ALDH3A2: variants seen among roughly 807,000 people sequenced by gnomAD.
The protein encoded by ALDH3A2 is aldehyde dehydrogenase 3 family member A2, also known as aldehyde dehydrogenase family 3 member A2.
Under a neutral mutation model 51.3 loss-of-function variants are expected in ALDH3A2, and 36 were observed. The observed-to-expected ratio is 0.70, with a 90% CI of 0.54 to 0.93. The LOEUF (loss-of-function observed/expected upper bound fraction) is 0.93. ALDH3A2 is among the 40% of genes least tolerant of loss of function. The pLI is 0.00. For synonymous variants in ALDH3A2, 199 were observed against 219.8 expected (o/e 0.91, Z 0.84); for missense variants, 552 against 603.1 (o/e 0.92, Z 0.89).
At chr17:19,652,716 C>G in intron 3 of ALDH3A2, 84 bp downstream of exon 3, 1 of 1,206,404 alleles carries the variant, frequency 8.3e-7, no homozygotes, top group Non-Finnish European at 1.2e-6. Flanking sequence ...CATGTTATTG[C>G]TGGCCGGGGA....
At chr17:19,660,697 AGGCTTTGCAGAT>A (rs1474310994) in intron 5 of ALDH3A2, among the ~76,000 whole-genome samples, 3 of 152,230 alleles carry the variant, frequency 2.0e-5, no homozygotes, top group African/African-American at 7.2e-5. Flanking sequence ...TAAATATTTC[AGGCTTTGCAGAT>A]GTTAGGGTCT....
intron 1 of ALDH3A2, among the ~76,000 whole-genome samples, chr17:19,650,295 T>C (rs1282857517): frequency 6.6e-6 from 1 of 151,850 alleles, no homozygotes; most frequent in Non-Finnish European, 1.5e-5. Context: ...TTTTTTTTTT[T>C]TAAACGGACA....
chr17:19,672,403 A>C, intron 9 of ALDH3A2: 1 of 196,674 alleles, frequency 5.1e-6, no homozygotes, highest in East Asian at 1.2e-4. Context: ...CACAGAGGTG[A>C]AGGCAAGAAC....
chr17:19,651,463 T>G, intron 1 of ALDH3A2, 84 bp from the exon 2 acceptor site: 1 of 1,133,244 alleles, frequency 8.8e-7, no homozygotes, highest in Non-Finnish European at 1.3e-6. Flanking sequence ...TCACTACAGG[T>G]GTACCTGGTG....
At chr17:19,668,366 A>G (rs980258601) in intron 8 of ALDH3A2, among the ~76,000 whole-genome samples, 22 of 151,670 alleles carry the variant, frequency 1.5e-4, no homozygotes, top group Non-Finnish European at 1.0e-4. Context: ...TCCTGCCCCA[A>G]CCTCCCAAGT....
chr17:19,676,691 A>T lies in ALDH3A2; in HGVS notation c.*1119A>T, dbSNP rs1028682231. On this transcript the variant is annotated 3_prime_UTR_variant, in exon 10 of 10. Transcript: ENST00000176643. The stretch of plus-strand genomic sequence containing the variant: ...AAATACTGTAATAAAAGTACTTATA[A>T]ACATACTAATCCTCTTTCAGGACCC... 2 of 152,170 alleles carry T rather than the reference A, an allele frequency of 1.3e-5. No homozygotes were observed. The highest frequency in any genetic ancestry group is 2.9e-5 in the Non-Finnish European group (2 of 68,026). The allele number at this position is 152,170 out of a possible 1,614,324, so 9.4% of individuals were successfully genotyped here.
At chr17:19,650,700 G>A (rs1255040318) in intron 1 of ALDH3A2, among the ~76,000 whole-genome samples, 2 of 152,014 alleles carry the variant, frequency 1.3e-5, no homozygotes, top group Non-Finnish European at 2.9e-5. Context: ...TGATCCGCCC[G>A]CCTCAGCCTC....
chr17:19,648,647 T>A (rs1267490189), upstream of ALDH3A2: 3 of 421,084 alleles, frequency 7.1e-6, no homozygotes, highest in Non-Finnish European at 1.3e-5. Context: ...CCCAGCCCGC[T>A]GCCAGAGCCG....
rs1291874937 is a variant in ALDH3A2, at chr17:19,656,382, T to C, written c.488T>C (p.Ile163Thr). 1 of 1,613,994 alleles carries C rather than the reference T, an allele frequency of 6.2e-7. No homozygotes were observed. Among genetic ancestry groups the C allele is most frequent in the East Asian group, 2.2e-5 (1 of 44,884 alleles). The part of the protein sequence containing the change: ...QYLDQDLYIV[I>T]NGGVEETTEL... ...TTCTTTGAGGATCTCTATATTGTTA[T>C]TAATGGTGGTGTTGAGGAAACCACG... Residue 163 changes from isoleucine to threonine, a missense_variant, in exon 4 of 10, where the codon ATT becomes ACT. Coordinates refer to ENST00000176643, the MANE Select transcript of ALDH3A2 (RefSeq NM_000382.3).
intron 7 of ALDH3A2, among the ~76,000 whole-genome samples, chr17:19,663,866 C>T (rs1567603762): frequency 6.6e-6 from 1 of 152,232 alleles, no homozygotes; most frequent in Non-Finnish European, 1.5e-5. Flanking sequence ...CACAAAATGG[C>T]ATTCACACCC....
chr17:19,648,665 G>A, upstream of ALDH3A2: 1 of 460,712 alleles, frequency 2.2e-6, no homozygotes, highest in Admixed American at 3.5e-5. Flanking sequence ...CCGGGGAGAG[G>A]GCGGGGGCCG....
At chr17:19,665,512 T>G (rs2085025609) in intron 8 of ALDH3A2, among the ~76,000 whole-genome samples, 1 of 152,208 alleles carries the variant, frequency 6.6e-6, no homozygotes, top group South Asian at 2.1e-4. Flanking sequence ...AGTTCTTACC[T>G]GCATTGTTCC....
rs1281253469 is a variant in ALDH3A2, at chr17:19,676,576, C to T, written c.*1004C>T. On this transcript the variant is annotated 3_prime_UTR_variant, in exon 10 of 10. Coordinates refer to ENST00000176643, the MANE Select transcript of ALDH3A2 (RefSeq NM_000382.3). Reference sequence around the variant, plus strand: ...GCTGAAGCAGGAGGATTGATTGAGCCTGCGAGGCCAAGGCTGCAGCAGGCT... The same window carrying T: ...GCTGAAGCAGGAGGATTGATTGAGCTTGCGAGGCCAAGGCTGCAGCAGGCT... 2.0e-5 allele frequency: 3 copies of T among 152,186 alleles called. No individual in the cohort carries two copies. Among genetic ancestry groups the T allele is most frequent in the African/African-American group, 4.8e-5 (2 of 41,430 alleles). The allele number at this position is 152,186 out of a possible 1,614,324, so 9.4% of individuals were successfully genotyped here.
At chr17:19,662,407 A>G (rs549599033) in intron 6 of ALDH3A2, among the ~76,000 whole-genome samples, 8 of 152,328 alleles carry the variant, frequency 5.3e-5, no homozygotes, top group Non-Finnish European at 1.0e-4. Flanking sequence ...CACATTGCCA[A>G]GATAACCTAT....
chr17:19,657,753 C>T lies in ALDH3A2; in HGVS notation c.689C>T (p.Thr230Ile). The T allele has an allele frequency of 5.0e-6, 8 of 1,610,876 alleles. No individual in the cohort carries two copies. Among genetic ancestry groups the T allele is most frequent in the Non-Finnish European group, 5.9e-6 (7 of 1,177,158 alleles). Residue 230 changes from threonine to isoleucine, a missense_variant, in exon 5 of 10, where the codon ACC becomes ATC. Physicochemically the swap from Thr to Ile is moderately conservative, Grantham distance 89. Transcript: ENST00000176643. ...CDLDIVCRRI[T>I]WGKYMNCGQT... ...GGATGTTTTCCCCTCAGACGCATAA[C>T]CTGGGGAAAATACATGAATTGTGGC...
chr17:19,672,083 C>T, intron 9 of ALDH3A2, 127 bp downstream of exon 9: 1 of 907,318 alleles, frequency 1.1e-6, no homozygotes, highest in East Asian at 2.5e-5. Flanking sequence ...CCACAGCCTG[C>T]TGGCCAGCTA....
chr17:19,648,675 G>A, upstream of ALDH3A2: 1 of 475,406 alleles, frequency 2.1e-6, no homozygotes, highest in Non-Finnish European at 3.8e-6. Flanking sequence ...GGCGGGGGCC[G>A]CGTGGGCGAG....
chr17:19,648,589 G>A (rs1238327533), upstream of ALDH3A2: 16 of 248,228 alleles, frequency 6.4e-5, no homozygotes, highest in Admixed American at 8.4e-4. Context: ...CCGCCCCCTG[G>A]CCCGTGGCCG....
chr17:19,673,657 G>T (rs138023457), intron 9 of ALDH3A2, among the ~76,000 whole-genome samples: 44 of 152,200 alleles, frequency 2.9e-4, no homozygotes, highest in African/African-American at 1.0e-3. Flanking sequence ...GGCAGAGGTT[G>T]CAGTGAGCCA....
Sources: allele counts gnomAD v4.1 joint callset (sites outside exome capture counted in the v4.1 genomes callset), GRCh38; gene constraint gnomAD v4.1.1; transcripts MANE v1.5; gene names NCBI Gene and HGNC (gene_info 2026-07-23, HGNC 2026-07-21).